SGIP1: variants seen among roughly 807,000 people sequenced by gnomAD.
SGIP1 encodes SH3-containing GRB2-like protein 3-interacting protein 1.
SGIP1 carries 38 observed loss-of-function variants against 107.5 expected under a neutral mutation model. That is an observed-to-expected ratio of 0.35 (90% CI 0.27 to 0.46). The LOEUF (loss-of-function observed/expected upper bound fraction) is 0.46. Among genes scored for constraint, SGIP1 ranks in the 20% least tolerant of loss-of-function variants. The pLI is 1.00. For synonymous variants in SGIP1, 365 were observed against 366.1 expected (o/e 1.00, Z 0.03); for missense variants, 929 against 1,019.5 (o/e 0.91, Z 1.21).
Position 66,689,151 on chromosome 1 carries a change from C to A in SGIP1, c.1319C>A (p.Ala440Glu), listed in dbSNP as rs1260865538. The A allele has an allele frequency of 1.9e-6, 3 of 1,611,898 alleles. No homozygotes were observed. The highest frequency in any genetic ancestry group is 2.5e-6 in the Non-Finnish European group (3 of 1,178,904). ...TTAATGCTAGTTTGTTTTTCAGGTG[C>A]ATCATCCCCTGCTCGACCAGCCACT... ...SGPGPGTTSG[A>E]SSPARPATPL... is the part of the protein sequence containing the mutation. Residue 440 changes from alanine (A) to glutamate (E), a missense_variant, in exon 16 of 25, where the codon GCA (alanine) becomes GAA (glutamate). Coordinates refer to ENST00000371037, the MANE Select transcript of SGIP1 (RefSeq NM_032291.4).
intron 7 of SGIP1, among the ~76,000 whole-genome samples, chr1:66,651,091 T>C (rs2078665915): frequency 6.6e-6 from 1 of 152,224 alleles, no homozygotes; most frequent in Non-Finnish European, 1.5e-5. Flanking sequence ...CTTAGTACTT[T>C]GTAAGTAAAT....
At chr1:66,686,069 G>C (rs2088149871) in intron 15 of SGIP1, among the ~76,000 whole-genome samples, 1 of 152,214 alleles carries the variant, frequency 6.6e-6, no homozygotes, top group South Asian at 2.1e-4. Context: ...CCCAGCAACA[G>C]CATGAACTAT....
At chr1:66,597,646 C>T (rs1313234939) in intron 1 of SGIP1, among the ~76,000 whole-genome samples, 1 of 152,154 alleles carries the variant, frequency 6.6e-6, no homozygotes, top group Non-Finnish European at 1.5e-5. Context: ...TCCTTCTCAA[C>T]ACACACTCAA....
intron 1 of SGIP1, among the ~76,000 whole-genome samples, chr1:66,550,782 G>A (rs892421510): frequency 2.6e-5 from 4 of 152,242 alleles, no homozygotes; most frequent in Admixed American, 6.5e-5. Flanking sequence ...GAGGTTCAGA[G>A]AGTTTATGAC....
chr1:66,660,527 A>G lies in SGIP1; in HGVS notation c.471+3A>G, dbSNP rs1215203493. The G allele has an allele frequency of 1.2e-6, 2 of 1,610,058 alleles. No individual in the cohort carries two copies. The highest frequency in any genetic ancestry group is 1.3e-5 in the African/African-American group (1 of 74,832). On this transcript the variant is annotated splice_donor_region_variant and intron_variant, in intron 8 of 24. Coordinates refer to ENST00000371037, the MANE Select transcript of SGIP1 (RefSeq NM_032291.4). The stretch of plus-strand genomic sequence containing the variant: ...TACGCTTTTAGAGGAAAAGTCCGGT[A>G]AGAAATAAGTCCTTCCCGCTTTTGG...
chr1:66,550,831 T>C (rs1243538300), intron 1 of SGIP1, among the ~76,000 whole-genome samples: 1 of 152,086 alleles, frequency 6.6e-6, no homozygotes, highest in Non-Finnish European at 1.5e-5. Context: ...TCTGACGAGA[T>C]CAGGCACATT....
At chr1:66,631,252 T>C (rs575928829) in intron 2 of SGIP1, among the ~76,000 whole-genome samples, 208 of 152,298 alleles carry the variant, frequency 1.4e-3, no homozygotes, top group Admixed American at 2.4e-3. Flanking sequence ...TCATTCTCTC[T>C]GAGATTAATA....
intron 4 of SGIP1, 140 bp from the exon 5 acceptor site, chr1:66,639,637 T>G (rs2076412237): frequency 3.0e-6 from 2 of 674,626 alleles, no homozygotes; most frequent in Non-Finnish European, 5.2e-6. Context: ...ATGTGGCTCC[T>G]TAATAAACTG....
At chr1:66,563,099 GA>G (rs753446084) in intron 1 of SGIP1, among the ~76,000 whole-genome samples, 9 of 150,450 alleles carry the variant, frequency 6.0e-5, no homozygotes, top group East Asian at 3.9e-4. Context: ...AGTAGAAAGA[GA>G]AAAAAAAATC....
chr1:66,625,717 C>A, intron 1 of SGIP1, 130 bp from the exon 2 acceptor site: 3 of 704,058 alleles, frequency 4.3e-6, no homozygotes, highest in Non-Finnish European at 4.7e-6. Flanking sequence ...ACACACATAC[C>A]TTTACATACA....
chr1:66,681,876 C>T lies in SGIP1; in HGVS notation c.822C>T (p.Asp274=), dbSNP rs776799305. The change falls in exon 15 of 25, where the codon GAC becomes GAT. Residue 274 remains aspartate (D), a synonymous_variant. Transcript: ENST00000371037. Reference sequence around the variant, plus strand: ...CAACTACTTTAACCACAGGAAATGACCAGTCAGCCACAGAGGTCAAAATTG... The same window carrying T: ...CAACTACTTTAACCACAGGAAATGATCAGTCAGCCACAGAGGTCAAAATTG... ...GSPLTIGPGN[D]QSATEVKIEK... 1.3e-5 allele frequency: 21 copies of T among 1,609,998 alleles called. No homozygotes were observed. Among genetic ancestry groups the T allele is most frequent in the Non-Finnish European group, 1.8e-5 (21 of 1,177,578 alleles).
chr1:66,749,004 A>G lies in SGIP1; in HGVS notation c.*5909A>G, dbSNP rs1192767982. 6.6e-6 allele frequency among the ~76,000 whole-genome samples: 1 copy of G among 152,046 alleles called. No individual in the cohort carries two copies. Among genetic ancestry groups the G allele is most frequent in the Non-Finnish European group, 1.5e-5 (1 of 67,894 alleles). ...ATAAAATAACCAGGAATGCTTTGAA[A>G]AAAATGCTTCTGGAATTTTGTTTTA... is the stretch of plus-strand genomic sequence containing the variant. On this transcript the variant is annotated 3_prime_UTR_variant, in exon 25 of 25. Transcript: ENST00000371037.
rs1021621555 is a variant in SGIP1, at chr1:66,750,276, T to C, written c.*7181T>C. ...AGAGTTTTTGTTTGTTTTTCACTTGTATAGTAAAAGATCATATGAATTAAA... is the reference window on the plus strand; with the variant it reads ...AGAGTTTTTGTTTGTTTTTCACTTGCATAGTAAAAGATCATATGAATTAAA... On this transcript the variant is annotated 3_prime_UTR_variant, in exon 25 of 25. Coordinates refer to ENST00000371037, the MANE Select transcript of SGIP1 (RefSeq NM_032291.4). Among the ~76,000 whole-genome samples the C allele has an allele frequency of 6.6e-6, 1 of 152,202 alleles. No homozygotes were observed. Among genetic ancestry groups the C allele is most frequent in the Non-Finnish European group, 1.5e-5 (1 of 68,024 alleles).
intron 7 of SGIP1, among the ~76,000 whole-genome samples, chr1:66,648,633 G>C (rs2078112518): frequency 6.6e-6 from 1 of 152,122 alleles, no homozygotes; most frequent in Non-Finnish European, 1.5e-5. Context: ...AGACCTACCA[G>C]GCCAGAAACC....
intron 19 of SGIP1, 24 bp downstream of exon 19, chr1:66,719,429 G>A (rs1164745865): frequency 6.3e-7 from 1 of 1,585,710 alleles, no homozygotes; most frequent in South Asian, 1.1e-5. Context: ...TTGGTCCATT[G>A]TACTTTCTGA....
rs2094508125 is a variant in SGIP1 at position 66,743,063 on chromosome 1, TG to T, written c.2465-9del. ...CAGATAACCTGTTGACATGCTGTTT[TG>T]TTTTGCAGGAAAATACTTGGCAGAT... On this transcript the variant is annotated splice_polypyrimidine_tract_variant and intron_variant, in intron 24 of 24. Transcript: ENST00000371037. 1 of 1,613,532 alleles carries T rather than the reference TG, an allele frequency of 6.2e-7. No individual in the cohort carries two copies.
At chr1:66,633,229 T>G in intron 3 of SGIP1, 135 bp downstream of exon 3, 2 of 667,634 alleles carry the variant, frequency 3.0e-6, no homozygotes. Context: ...ACTATTGGAA[T>G]TTTCTATATT....
intron 1 of SGIP1, among the ~76,000 whole-genome samples, chr1:66,602,302 T>C (rs1468923964): frequency 2.0e-5 from 3 of 152,200 alleles, no homozygotes; most frequent in East Asian, 1.9e-4. Context: ...TACTGAGCCA[T>C]GGAGCAGTTG....
intron 9 of SGIP1, 132 bp downstream of exon 9, chr1:66,667,673 A>T (rs767008272): frequency 1.3e-6 from 1 of 796,714 alleles, no homozygotes; most frequent in African/African-American, 1.7e-5. Flanking sequence ...AGGTTTACTG[A>T]TTGAAAGCCT....
Sources: gnomAD v4.1 joint callset for allele counts (sites outside exome capture counted in the v4.1 genomes callset) on GRCh38, gnomAD v4.1.1 for gene constraint, MANE v1.5 for transcripts, NCBI Gene and HGNC (gene_info 2026-07-23, HGNC 2026-07-21) for gene names.